The following SLC25A21 variants were observed in gnomAD, a reference collection of about 807,000 sequenced individuals.
SLC25A21 encodes solute carrier family 25 member 21.
A neutral mutation model predicts 43.8 loss-of-function variants in SLC25A21; 47 were observed. The observed-to-expected ratio is 1.07, with a 90% confidence interval of 0.85 to 1.37. The LOEUF (loss-of-function observed/expected upper bound fraction) is 1.37, where lower values mean the gene tolerates loss of function less well. Ranked by LOEUF, SLC25A21 falls within the 40% of genes most tolerant of loss-of-function variation. SLC25A21 has a pLI of 0.00. For missense variants in SLC25A21, 352 were observed against 350.2 expected, an observed-to-expected ratio of 1.00 and a Z score of -0.04; for synonymous variants, 131 against 121.3, an observed-to-expected ratio of 1.08 and a Z score of -0.52.
chr14:36,945,376 G>A (rs996664541), intron 1 of SLC25A21, among the ~76,000 whole-genome samples: 1 of 152,120 alleles, frequency 6.6e-6, no homozygotes, highest in Non-Finnish European at 1.5e-5. Context: ...ATACCCCAAA[G>A]AACTGAAAGC....
chr14:36,873,663 T>A (rs759363106), intron 2 of SLC25A21, among the ~76,000 whole-genome samples: 4 of 152,194 alleles, frequency 2.6e-5, no homozygotes, highest in Non-Finnish European at 5.9e-5. Flanking sequence ...TTTGTGACCC[T>A]CCAGAATGTG....
At chr14:37,168,566 C>T (rs1964069629) in intron 1 of SLC25A21, among the ~76,000 whole-genome samples, 1 of 151,998 alleles carries the variant, frequency 6.6e-6, no homozygotes, top group Non-Finnish European at 1.5e-5. Context: ...TAGGGATTAG[C>T]TACAGTTGAT....
chr14:36,779,267 A>G (rs1447401920), intron 3 of SLC25A21, among the ~76,000 whole-genome samples: 2 of 145,694 alleles, frequency 1.4e-5, no homozygotes, highest in African/African-American at 5.0e-5. Context: ...ATATATAAGA[A>G]TATATAAGAA....
At chr14:37,022,339 A>G (rs752408722) in intron 1 of SLC25A21, among the ~76,000 whole-genome samples, 1 of 151,984 alleles carries the variant, frequency 6.6e-6, no homozygotes, top group East Asian at 1.9e-4. Flanking sequence ...GTTTCACAAT[A>G]AAAAAGAAAA....
chr14:36,828,896 CCTTT>C (rs1282952105), intron 2 of SLC25A21, among the ~76,000 whole-genome samples: 3 of 152,066 alleles, frequency 2.0e-5, no homozygotes, highest in Non-Finnish European at 2.9e-5. Context: ...ACTCTCTACC[CCTTT>C]CTTTGTTTTG....
At chr14:36,753,134 G>C (rs1320570001) in intron 3 of SLC25A21, among the ~76,000 whole-genome samples, 1 of 152,112 alleles carries the variant, frequency 6.6e-6, no homozygotes, top group Admixed American at 6.6e-5. Flanking sequence ...GAAAAGTTCT[G>C]GAGGTGAATG....
chr14:37,047,443 T>C (rs1219293854), intron 1 of SLC25A21, among the ~76,000 whole-genome samples: 3 of 152,088 alleles, frequency 2.0e-5, no homozygotes, highest in Admixed American at 6.6e-5. Flanking sequence ...AAAGGGGCAA[T>C]GTAGCAAACA....
chr14:36,703,295 G>A (rs1243877711), intron 7 of SLC25A21, among the ~76,000 whole-genome samples: 2 of 152,176 alleles, frequency 1.3e-5, no homozygotes, highest in Non-Finnish European at 2.9e-5. Context: ...CACCTTAGGG[G>A]AGGATGTAGC....
intron 1 of SLC25A21, among the ~76,000 whole-genome samples, chr14:37,162,163 C>T (rs968586512): frequency 6.6e-6 from 1 of 152,144 alleles, no homozygotes; most frequent in Admixed American, 6.5e-5. Flanking sequence ...AAGGAGCCAA[C>T]CCTGCCGACG....
chr14:36,731,168 T>C (rs1884810337), intron 4 of SLC25A21, among the ~76,000 whole-genome samples: 1 of 152,094 alleles, frequency 6.6e-6, no homozygotes, highest in Admixed American at 6.6e-5. Flanking sequence ...AGAGACGGGG[T>C]TTCCCCGTGT....
chr14:36,849,423 G>T (rs1889652530), intron 2 of SLC25A21, among the ~76,000 whole-genome samples: 1 of 152,012 alleles, frequency 6.6e-6, no homozygotes, highest in Admixed American at 6.6e-5. Context: ...TGATGAAAAG[G>T]GCTTATATAT....
intron 1 of SLC25A21, among the ~76,000 whole-genome samples, chr14:37,171,272 G>A (rs1474801796): frequency 2.0e-5 from 3 of 152,142 alleles, no homozygotes; most frequent in Non-Finnish European, 4.4e-5. Context: ...CGTTACTCCT[G>A]AGATGCAAGT....
intron 1 of SLC25A21, among the ~76,000 whole-genome samples, chr14:37,017,113 G>A (rs1486711470): frequency 6.6e-6 from 1 of 151,898 alleles, no homozygotes; most frequent in Non-Finnish European, 1.5e-5. Flanking sequence ...CTTTTCCTTT[G>A]CACTCACAAT....
chr14:36,857,404 G>T (rs1471065320), intron 2 of SLC25A21, among the ~76,000 whole-genome samples: 1 of 152,216 alleles, frequency 6.6e-6, no homozygotes. Context: ...GCCCGGCTGA[G>T]AGGCAGATTT....
rs1266301841 is a variant in SLC25A21, at chr14:36,678,386, A to G, written c.*2272T>C. The stretch of plus-strand genomic sequence containing the variant: ...TCAGTGCTACAAATAGAGGATTATA[A>G]CTTCAGGAGAAGAATAAGCAGAAGG... On this transcript the variant is annotated 3_prime_UTR_variant, in exon 10 of 10. Coordinates refer to ENST00000331299, the MANE Select transcript of SLC25A21 (RefSeq NM_030631.4). 7 of 1,052,500 alleles carry G rather than the reference A, an allele frequency of 6.7e-6. No homozygotes were observed. In the African/African-American group the frequency reaches 7.9e-5, roughly 12 times the overall value. The allele number at this position is 1,052,500 out of a possible 1,614,324, so 65.2% of individuals were successfully genotyped here.
Position 36,678,917 on chromosome 14 carries a change from A to C in SLC25A21, c.*1741T>G. On this transcript the variant is annotated 3_prime_UTR_variant, in exon 10 of 10. Coordinates refer to ENST00000331299, the MANE Select transcript of SLC25A21 (RefSeq NM_030631.4). ...TAAAGCCACTTTTTAAAATACGAGA[A>C]GGAAAATAGGATGGATTAAAGGGTT... The C allele has an allele frequency of 2.0e-6, 2 of 979,246 alleles. No homozygotes were observed. Among genetic ancestry groups the C allele is most frequent in the Non-Finnish European group, 2.4e-6 (2 of 823,914 alleles). The allele number at this position is 979,246 out of a possible 1,614,324, so 60.7% of individuals were successfully genotyped here.
At chr14:36,694,355 T>C (rs1190178548) in intron 7 of SLC25A21, among the ~76,000 whole-genome samples, 3 of 152,222 alleles carry the variant, frequency 2.0e-5, no homozygotes, top group South Asian at 2.1e-4. Flanking sequence ...CTATTGTGAA[T>C]AGTGCTGCAA....
At chr14:37,021,165 G>A (rs1007139702) in intron 1 of SLC25A21, among the ~76,000 whole-genome samples, 2 of 151,944 alleles carry the variant, frequency 1.3e-5, no homozygotes, top group Non-Finnish European at 2.9e-5. Context: ...AGGACCGATT[G>A]TGATGATGAC....
rs1470622876 is a variant in SLC25A21 at position 37,107,578 on chromosome 14, T to C, written c.70+64703A>G. Among the ~76,000 whole-genome samples the C allele has an allele frequency of 3.9e-5, 6 of 152,162 alleles. No homozygotes were observed. In the East Asian group the frequency reaches 7.7e-4, roughly 20 times the overall value. On this transcript the variant is annotated intron_variant, in intron 1 of 9. Coordinates refer to ENST00000331299, the MANE Select transcript of SLC25A21 (RefSeq NM_030631.4). ...TCATATTTTATTTACCAGGTATATA[T>C]AGTGTCTACTAAGTGTTAGGCACTG...
Sources: gnomAD v4.1 joint callset for allele counts (sites outside exome capture counted in the v4.1 genomes callset) on GRCh38, gnomAD v4.1.1 for gene constraint, MANE v1.5 for transcripts, NCBI Gene and HGNC (gene_info 2026-07-23, HGNC 2026-07-21) for gene names.